CHSY1: variants seen among roughly 807,000 people sequenced by gnomAD.
CHSY1 encodes N-acetylgalactosaminyl-proteoglycan 3-beta-glucuronosyltransferase 1.
In CHSY1, 13 loss-of-function variants were observed where a neutral mutation model predicts 59.8. That is an observed-to-expected ratio of 0.22 (90% confidence interval 0.14 to 0.35). The LOEUF (loss-of-function observed/expected upper bound fraction) is 0.35, where lower values mean the gene tolerates loss of function less well. Ranked by LOEUF, CHSY1 falls within the 10% of genes least tolerant of loss-of-function variation. CHSY1 has a pLI of 1.00. For missense variants in CHSY1, 947 were observed against 1,030.6 expected (o/e 0.92, Z 1.11); for synonymous variants, 459 against 401.2 (o/e 1.14, Z -1.72).
At chr15:101,183,332 G>T (rs1400384796) in intron 2 of CHSY1, among the ~76,000 whole-genome samples, 1 of 152,100 alleles carries the variant, frequency 6.6e-6, no homozygotes, top group African/African-American at 2.4e-5. Flanking sequence ...ACAGGAAAAA[G>T]CAATCTAAAA....
At chr15:101,200,982 A>G (rs1011415376) in intron 2 of CHSY1, among the ~76,000 whole-genome samples, 3 of 152,176 alleles carry the variant, frequency 2.0e-5, no homozygotes, top group Non-Finnish European at 4.4e-5. Context: ...CACCCTGGGT[A>G]AATCCTGTCC....
intron 2 of CHSY1, among the ~76,000 whole-genome samples, chr15:101,193,208 G>C (rs535853457): frequency 6.6e-6 from 1 of 152,214 alleles, no homozygotes; most frequent in African/African-American, 2.4e-5. Context: ...ATGCCTGTCC[G>C]GCAAGCAGGC....
chr15:101,224,910 C>T lies in CHSY1; in HGVS notation c.816+10172G>A, dbSNP rs2038824838. On this transcript the variant is annotated intron_variant, in intron 2 of 2. Transcript: ENST00000254190. ...GTTAGAACTAAAGACTCAAAAGCTT[C>T]GATGATGCCATCTTAAGACCTCTTA... 2.0e-5 allele frequency among the ~76,000 whole-genome samples: 3 copies of T among 152,192 alleles called. No individual in the cohort carries two copies. The South Asian group carries it at 6.2e-4, about 31-fold the overall frequency.
rs1175796665 is a variant in CHSY1 at position 101,235,737 on chromosome 15, T to C, written c.321-160A>G. Among the ~76,000 whole-genome samples the C allele has an allele frequency of 2.0e-4, 31 of 152,118 alleles. 1 individual carries two copies. Among genetic ancestry groups the C allele is most frequent in the Non-Finnish European group, 2.9e-5 (2 of 68,026 alleles). On this transcript the variant is annotated intron_variant, in intron 1 of 2. Coordinates refer to ENST00000254190, the MANE Select transcript of CHSY1 (RefSeq NM_014918.5). Reference sequence around the variant, plus strand: ...TAACGAAAGCCCAGGTTACCGCGTATTGCAAAGTCTAAATTAACTTTCAAA... The same window carrying C: ...TAACGAAAGCCCAGGTTACCGCGTACTGCAAAGTCTAAATTAACTTTCAAA...
chr15:101,223,434 T>C (rs2038810230), intron 2 of CHSY1, among the ~76,000 whole-genome samples: 1 of 152,268 alleles, frequency 6.6e-6, no homozygotes. Flanking sequence ...AAACAAAAGA[T>C]GCTTTAAAAT....
At chr15:101,208,904 T>C (rs185232018) in intron 2 of CHSY1, among the ~76,000 whole-genome samples, 19 of 152,300 alleles carry the variant, frequency 1.2e-4, no homozygotes, top group East Asian at 9.6e-4. Context: ...AGCTTTTCCT[T>C]ACTTTCAACT....
At position 101,251,317 on chromosome 15, in the gene CHSY1, C is replaced by T. The variant is rs1317239266; in HGVS notation, c.140G>A (p.Gly47Asp). 2.7e-6 allele frequency: 3 copies of T among 1,131,686 alleles called. No individual in the cohort carries two copies. The highest frequency in any genetic ancestry group is 1.7e-5 in the African/African-American group (1 of 59,714). The allele number at this position is 1,131,686 out of a possible 1,614,324, so 70.1% of individuals were successfully genotyped here. ...AGCCGCCGCCTGCCCGGACCGGCAGCCCTCGGGGCTGGCGCGGCGCCGTGG... is the reference window on the plus strand; with the variant it reads ...AGCCGCCGCCTGCCCGGACCGGCAGTCCTCGGGGCTGGCGCGGCGCCGTGG... ...AGPRRRASPEGCRSGQAAASQ... is the reference protein window; with the variant it reads ...AGPRRRASPEDCRSGQAAASQ... Residue 47 changes from glycine to aspartate, a missense_variant, in exon 1 of 3, where the codon GGC becomes GAC. Around this residue, in one of 4 missense-constraint regions of CHSY1, gnomAD observed 232 missense variants for 188.5 expected, o/e 1.23. Transcript: ENST00000254190.
chr15:101,238,952 T>C (rs750988333), intron 1 of CHSY1, among the ~76,000 whole-genome samples: 12 of 152,318 alleles, frequency 7.9e-5, no homozygotes, highest in Non-Finnish European at 1.8e-4. Context: ...TGTGTGAATG[T>C]GTGACAAGCT....
intron 2 of CHSY1, among the ~76,000 whole-genome samples, chr15:101,207,844 T>C (rs1054243921): frequency 6.6e-6 from 1 of 152,206 alleles, no homozygotes; most frequent in Non-Finnish European, 1.5e-5. Context: ...CCACCCGTTG[T>C]CCTGAAGTAA....
At chr15:101,229,504 A>G (rs2038872342) in intron 2 of CHSY1, among the ~76,000 whole-genome samples, 1 of 152,226 alleles carries the variant, frequency 6.6e-6, no homozygotes, top group African/African-American at 2.4e-5. Flanking sequence ...CTATCCATCA[A>G]ACAGGTATAA....
At chr15:101,237,103 A>G (rs1468075824) in intron 1 of CHSY1, among the ~76,000 whole-genome samples, 7 of 151,514 alleles carry the variant, frequency 4.6e-5, no homozygotes, top group Non-Finnish European at 1.0e-4. Flanking sequence ...GTGTGCCTGT[A>G]ATCCCAGCTA....
intron 2 of CHSY1, among the ~76,000 whole-genome samples, chr15:101,192,883 C>A (rs560502047): frequency 2.0e-5 from 3 of 152,326 alleles, no homozygotes; most frequent in African/African-American, 4.8e-5. Context: ...GTCAGCCAGC[C>A]CTTTCACCCT....
chr15:101,239,562 C>T (rs929871174), intron 1 of CHSY1, among the ~76,000 whole-genome samples: 1 of 152,176 alleles, frequency 6.6e-6, no homozygotes, highest in Admixed American at 6.5e-5. Context: ...GCTTAGAAGC[C>T]TGCCTGGCAC....
At chr15:101,241,583 G>A (rs1196001138) in intron 1 of CHSY1, among the ~76,000 whole-genome samples, 1 of 152,290 alleles carries the variant, frequency 6.6e-6, no homozygotes, top group East Asian at 1.9e-4. Context: ...AAAGAAAAAT[G>A]GAGTAAGATT....
At position 101,178,105 on chromosome 15, in the gene CHSY1, G is replaced by A. The variant is rs1156457555; in HGVS notation, c.1692C>T (p.Asn564=). The change falls in exon 3 of 3, where the codon AAC becomes AAT. Residue 564 remains asparagine, a synonymous_variant. Transcript: ENST00000254190. ...TGAAAAGCAGAACCACGAGCTTGAC[G>A]TTCTGATTGGGGATAAGACACGTCT... ...FEKTCLIPNQ[N]VKLVVLLFNS... The A allele has an allele frequency of 7.4e-6, 12 of 1,614,090 alleles. No individual in the cohort carries two copies. Among genetic ancestry groups the A allele is most frequent in the Admixed American group, 1.7e-5 (1 of 60,006 alleles).
chr15:101,199,889 C>G (rs115819432), intron 2 of CHSY1, among the ~76,000 whole-genome samples: 1 of 152,146 alleles, frequency 6.6e-6, no homozygotes, highest in South Asian at 2.1e-4. Flanking sequence ...CGAACAGCAG[C>G]GTATGTTCAT....
intron 1 of CHSY1, among the ~76,000 whole-genome samples, chr15:101,245,419 G>C (rs1428683875): frequency 1.3e-5 from 2 of 152,210 alleles, no homozygotes; most frequent in Non-Finnish European, 2.9e-5. Flanking sequence ...ATCACCCACT[G>C]GGTGTAAGCC....
At chr15:101,233,195 C>T (rs2038907983) in intron 2 of CHSY1, among the ~76,000 whole-genome samples, 1 of 152,186 alleles carries the variant, frequency 6.6e-6, no homozygotes, top group Non-Finnish European at 1.5e-5. Flanking sequence ...TCCAAAATGG[C>T]CTCCCACCCT....
At chr15:101,184,814 G>A (rs1475835586) in intron 2 of CHSY1, among the ~76,000 whole-genome samples, 2 of 152,126 alleles carry the variant, frequency 1.3e-5, no homozygotes, top group Non-Finnish European at 2.9e-5. Context: ...TGTCCCAGAG[G>A]AGTTACTTTT....
Sources: allele counts gnomAD v4.1 joint callset (sites outside exome capture counted in the v4.1 genomes callset), GRCh38; gene constraint gnomAD v4.1.1; regional missense constraint gnomAD v4.1.1; transcripts MANE v1.5; gene names NCBI Gene and HGNC (gene_info 2026-07-23, HGNC 2026-07-21).